ACOXL: variants seen among roughly 807,000 people sequenced by gnomAD.
ACOXL encodes acyl-CoA oxidase like.
A neutral mutation model predicts 71.9 loss-of-function variants in ACOXL; 70 were observed. The observed-to-expected ratio is 0.97, with a 90% CI of 0.80 to 1.19. The LOEUF (loss-of-function observed/expected upper bound fraction) is 1.19. Among genes scored for constraint, ACOXL ranks in the 50% most tolerant of loss-of-function variants. ACOXL has a pLI of 0.00. For synonymous variants in ACOXL, 253 were observed against 281.6 expected (o/e 0.90, Z 1.02); for missense variants, 703 against 736.3 (o/e 0.95, Z 0.52).
intron 1 of ACOXL, among the ~76,000 whole-genome samples, chr2:110,765,409 G>T (rs1423750470): frequency 6.6e-6 from 1 of 151,988 alleles, no homozygotes; most frequent in Non-Finnish European, 1.5e-5. Flanking sequence ...CAAAACTGAA[G>T]ATATGCATGT....
chr2:110,945,491 C>A (rs974568171), intron 12 of ACOXL, among the ~76,000 whole-genome samples: 1 of 150,854 alleles, frequency 6.6e-6, no homozygotes, highest in African/African-American at 2.4e-5. Flanking sequence ...TATATTTAAT[C>A]TTTAATCCAT....
At chr2:110,867,926 C>CT (rs568694436) in intron 10 of ACOXL, among the ~76,000 whole-genome samples, 76 of 152,234 alleles carry the variant, frequency 5.0e-4, no homozygotes, top group Admixed American at 1.2e-3. Flanking sequence ...CCACGCTCAG[C>CT]TAATTTTTGT....
intron 2 of ACOXL, among the ~76,000 whole-genome samples, chr2:110,769,650 TAAAACAAAAC>T (rs367968739): frequency 1.2e-3 from 176 of 151,490 alleles, no homozygotes; most frequent in East Asian, 4.3e-3. Context: ...CTGTTTCTAC[TAAAACAAAAC>T]AAAACAAAAC....
chr2:110,963,128 G>A (rs1040965073), intron 12 of ACOXL, among the ~76,000 whole-genome samples: 6 of 152,246 alleles, frequency 3.9e-5, no homozygotes, highest in East Asian at 1.9e-4. Flanking sequence ...AATTGATGGC[G>A]CAGAGTATTT....
chr2:111,054,190 A>G (rs943339497), intron 16 of ACOXL, among the ~76,000 whole-genome samples: 7 of 152,204 alleles, frequency 4.6e-5, no homozygotes, highest in African/African-American at 9.6e-5. Context: ...GGCAGCACAC[A>G]GTAGAAAAAC....
At position 110,968,066 on chromosome 2, in the gene ACOXL, C is replaced by T. The variant is rs544672775; in HGVS notation, c.1060-19042C>T. Reference sequence around the variant, plus strand: ...GAGGGGGATATGATAGTCTGCGCAGCATACGCACACGAACTGCCAAAATAT... The same window carrying T: ...GAGGGGGATATGATAGTCTGCGCAGTATACGCACACGAACTGCCAAAATAT... On this transcript the variant is annotated intron_variant, in intron 12 of 17. Transcript: ENST00000439055. 73 of 1,174,856 alleles carry T rather than the reference C, an allele frequency of 6.2e-5. 1 individual carries two copies. The South Asian group carries it at 7.3e-4, about 12-fold the overall frequency. The allele number at this position is 1,174,856 out of a possible 1,614,324, so 72.8% of individuals were successfully genotyped here.
intron 15 of ACOXL, among the ~76,000 whole-genome samples, chr2:111,033,096 C>T (rs574744532): frequency 6.6e-6 from 1 of 152,328 alleles, no homozygotes; most frequent in African/African-American, 2.4e-5. Flanking sequence ...AGACTGGTCT[C>T]CACCCAGTGA....
At chr2:110,852,876 G>A (rs898532106) in intron 10 of ACOXL, among the ~76,000 whole-genome samples, 1 of 152,150 alleles carries the variant, frequency 6.6e-6, no homozygotes. Context: ...TTGACTGCTC[G>A]TCCAAGTGCT....
At position 110,870,574 on chromosome 2, in the gene ACOXL, G is replaced by T. The variant is rs532222298; in HGVS notation, c.788+29169G>T. Among the ~76,000 whole-genome samples, 5 of 152,092 alleles carry T rather than the reference G, an allele frequency of 3.3e-5. No homozygotes were observed. The East Asian group carries it at 9.7e-4, about 29-fold the overall frequency. On this transcript the variant is annotated intron_variant, in intron 10 of 17. Coordinates refer to ENST00000439055, the MANE Select transcript of ACOXL (RefSeq NM_001142807.4). ...TTTAGTTTGCCCACAGTTATGCCAG[G>T]GACAGTCAGAGCTAGAACCCAGGCA...
At chr2:110,794,298 T>C in intron 5 of ACOXL, 124 bp downstream of exon 5, 1 of 891,676 alleles carries the variant, frequency 1.1e-6, no homozygotes. Context: ...GGAGCTGAGA[T>C]TCAGATCAAA....
At chr2:111,022,421 T>TCACACACACACACACA (rs10543530) in intron 14 of ACOXL, among the ~76,000 whole-genome samples, 14 of 147,506 alleles carry the variant, frequency 9.5e-5, no homozygotes, top group African/African-American at 3.5e-4. Context: ...AGACCCCTCC[T>TCACACACACACACACA]CACACACACA....
intron 1 of ACOXL, among the ~76,000 whole-genome samples, chr2:110,753,969 A>G (rs1001223266): frequency 6.6e-6 from 1 of 150,780 alleles, no homozygotes; most frequent in African/African-American, 2.4e-5. Context: ...ATGATGCCTG[A>G]TGATTTTGAG....
intron 1 of ACOXL, among the ~76,000 whole-genome samples, chr2:110,767,325 G>GT (rs1438054634): frequency 6.6e-6 from 1 of 152,204 alleles, no homozygotes; most frequent in African/African-American, 2.4e-5. Context: ...CCTGAGAAGC[G>GT]TAAGTGGGAG....
At chr2:110,886,769 C>A in intron 10 of ACOXL, 1 of 1,550,846 alleles carries the variant, frequency 6.4e-7, no homozygotes, top group Non-Finnish European at 8.7e-7. Flanking sequence ...ACTTTTCTGT[C>A]CCTTTTTCTA....
At chr2:110,829,633 C>T (rs982168629) in intron 9 of ACOXL, among the ~76,000 whole-genome samples, 8 of 152,164 alleles carry the variant, frequency 5.3e-5, no homozygotes, top group African/African-American at 1.9e-4. Context: ...CTGTGGTACT[C>T]TTGTCTAGTT....
intron 12 of ACOXL, among the ~76,000 whole-genome samples, chr2:110,937,721 T>C (rs1272561090): frequency 6.6e-6 from 1 of 152,208 alleles, no homozygotes; most frequent in African/African-American, 2.4e-5. Context: ...TTTTGGGTTG[T>C]AGGACTAGGC....
At chr2:110,970,154 G>T (rs184648791) in intron 12 of ACOXL, among the ~76,000 whole-genome samples, 8 of 152,082 alleles carry the variant, frequency 5.3e-5, no homozygotes, top group Non-Finnish European at 1.2e-4. Context: ...GTATTACTCT[G>T]ATACTAAAAG....
intron 10 of ACOXL, among the ~76,000 whole-genome samples, chr2:110,903,177 T>C (rs1264403615): frequency 6.6e-6 from 1 of 152,148 alleles, no homozygotes; most frequent in Non-Finnish European, 1.5e-5. Context: ...GTAATTATCT[T>C]TTTAGTAGGT....
chr2:110,985,735 C>T (rs1192537073), intron 12 of ACOXL, among the ~76,000 whole-genome samples: 2 of 152,156 alleles, frequency 1.3e-5, no homozygotes, highest in African/African-American at 4.8e-5. Flanking sequence ...CTTGGAAAAC[C>T]TGAAAGCTTT....
Sources: gnomAD v4.1 joint callset for allele counts (sites outside exome capture counted in the v4.1 genomes callset) on GRCh38, gnomAD v4.1.1 for gene constraint, MANE v1.5 for transcripts, NCBI Gene and HGNC (gene_info 2026-07-23, HGNC 2026-07-21) for gene names.